GC: variants seen among roughly 807,000 people sequenced by gnomAD.
GC encodes vitamin D-binding protein.
Under a neutral mutation model 56.7 loss-of-function variants are expected in GC, and 43 were observed. The ratio of observed to expected loss-of-function variants is 0.76; its 90% CI spans 0.59 to 0.98. The LOEUF (loss-of-function observed/expected upper bound fraction) is 0.98, where lower values mean the gene tolerates loss of function less well. Ranked by LOEUF, GC falls within the 50% of genes least tolerant of loss-of-function variation. The pLI, the probability that GC is intolerant of heterozygous loss-of-function variation, is 0.00. For synonymous variants in GC, 216 were observed against 202.7 expected (o/e 1.07, Z -0.56); for missense variants, 529 against 545.9 (o/e 0.97, Z 0.31).
intron 1 of GC, among the ~76,000 whole-genome samples, chr4:71,772,885 G>A (rs1742385267): frequency 6.6e-6 from 1 of 152,062 alleles, no homozygotes; most frequent in African/African-American, 2.4e-5. Context: ...TTTGCCCAAA[G>A]AGAAGATATC....
intron 1 of GC, among the ~76,000 whole-genome samples, chr4:71,801,671 C>T (rs183936540): frequency 6.6e-6 from 1 of 152,282 alleles, no homozygotes; most frequent in East Asian, 1.9e-4. Flanking sequence ...AAATACTCTA[C>T]ATGCCCACAA....
intron 10 of GC, among the ~76,000 whole-genome samples, chr4:71,753,043 A>C (rs926274443): frequency 6.6e-6 from 1 of 151,982 alleles, no homozygotes; most frequent in Non-Finnish European, 1.5e-5. Context: ...TTTTCCTCTC[A>C]TAATTTATAT....
At chr4:71,790,458 G>A (rs843008) in intron 1 of GC, among the ~76,000 whole-genome samples, 10 of 151,716 alleles carry the variant, frequency 6.6e-5, no homozygotes, top group African/African-American at 1.9e-4. Flanking sequence ...TAATCTTGGA[G>A]TGTTTAGTTC....
Position 71,743,738 on chromosome 4 carries a change from T to C in GC, c.*26-1868A>G, listed in dbSNP as rs566257319. On this transcript the variant is annotated intron_variant, in intron 12 of 12. Transcript: ENST00000273951. ...GGTATAATTTGCTTTTTCAAAGCCA[T>C]GTAACTATTCCTGAAATAATTGAAC... Among the ~76,000 whole-genome samples, 10 of 152,346 alleles carry C rather than the reference T, an allele frequency of 6.6e-5. No individual in the cohort carries two copies. The East Asian group carries it at 1.7e-3, about 27-fold the overall frequency.
chr4:71,765,760 TTCA>T, intron 3 of GC, 117 bp from the exon 4 acceptor site: 1 of 663,034 alleles, frequency 1.5e-6, no homozygotes, highest in South Asian at 2.0e-5. Context: ...TAACTATGTA[TTCA>T]TGCCAAGGGC....
In GC at chr4:71,746,192, A is replaced by G; in HGVS notation, c.1409T>C (p.Leu470Ser). 1 of 1,346,738 alleles carries G rather than the reference A, an allele frequency of 7.4e-7. No homozygotes were observed. 83.4% of individuals were successfully genotyped at this position (1,346,738 alleles called of 1,614,324 possible). Residue 470 changes from leucine to serine, a missense_variant, in exon 12 of 13, where the codon TTG becomes TCG. Physicochemically the swap from Leu to Ser is moderately radical, Grantham distance 145. Transcript: ENST00000273951. ...GCTTCAGGACTACAGGATATTCTTCAATTCAGCATCAATCTGATAATGAAA... is the reference window on the plus strand; with the variant it reads ...GCTTCAGGACTACAGGATATTCTTCGATTCAGCATCAATCTGATAATGAAA... ...LYCDSEIDAE[L>S]KNIL is the part of the protein sequence containing the mutation.
intron 1 of GC, among the ~76,000 whole-genome samples, chr4:71,796,856 A>G (rs1457823438): frequency 1.3e-5 from 2 of 151,950 alleles, no homozygotes; most frequent in Non-Finnish European, 2.9e-5. Context: ...TTTGGTGTGG[A>G]TGTCCTTTTT....
chr4:71,745,648 T>A (rs892248410), intron 12 of GC, among the ~76,000 whole-genome samples: 1 of 149,696 alleles, frequency 6.7e-6, no homozygotes, highest in Non-Finnish European at 1.5e-5. Context: ...TACGTTGGAA[T>A]AAACTATTTT....
intron 6 of GC, among the ~76,000 whole-genome samples, chr4:71,760,799 C>T (rs1004153451): frequency 5.3e-5 from 8 of 152,266 alleles, no homozygotes; most frequent in South Asian, 2.1e-4. Flanking sequence ...TTTCTCTGCA[C>T]AAGCTCTCTC....
At chr4:71,787,848 A>T (rs1159608307), upstream of GC, among the ~76,000 whole-genome samples, 1 of 152,016 alleles carries the variant, frequency 6.6e-6, no homozygotes, top group East Asian at 1.9e-4. Flanking sequence ...TATTAATGCC[A>T]ATATCCAAAA....
intron 12 of GC, among the ~76,000 whole-genome samples, chr4:71,744,336 G>C (rs1010914872): frequency 2.0e-5 from 3 of 150,014 alleles, no homozygotes; most frequent in African/African-American, 7.4e-5. Flanking sequence ...GCGGGCGCCT[G>C]TAGCCCCAGC....
At chr4:71,789,893 A>G (rs1328255373) in intron 1 of GC, among the ~76,000 whole-genome samples, 1 of 152,048 alleles carries the variant, frequency 6.6e-6, no homozygotes, top group East Asian at 1.9e-4. Context: ...TGAAGATGGA[A>G]GGAATCTGTG....
At chr4:71,776,233 C>A (rs764369282) in intron 1 of GC, among the ~76,000 whole-genome samples, 1 of 151,648 alleles carries the variant, frequency 6.6e-6, no homozygotes, top group Non-Finnish European at 1.5e-5. Flanking sequence ...TCACAGCTAC[C>A]GAGATGCTGA....
chr4:71,772,897 A>G (rs544910446), intron 1 of GC, among the ~76,000 whole-genome samples: 2 of 152,264 alleles, frequency 1.3e-5, no homozygotes, highest in South Asian at 4.1e-4. Context: ...GAAGATATCT[A>G]GCTTACAAGA....
At chr4:71,753,193 G>T (rs1176834024) in intron 10 of GC, among the ~76,000 whole-genome samples, 3 of 152,058 alleles carry the variant, frequency 2.0e-5, no homozygotes, top group Admixed American at 6.6e-5. Context: ...GATAAGACTT[G>T]ATATCTCCTG....
Position 71,765,399 on chromosome 4 carries a change from T to C in GC, c.473+33A>G, listed in dbSNP as rs768260349. The C allele has an allele frequency of 4.0e-6, 6 of 1,489,580 alleles. 1 individual carries two copies. The South Asian group carries it at 4.5e-5, about 11-fold the overall frequency. 92.3% of individuals were successfully genotyped at this position (1,489,580 alleles called of 1,614,324 possible). A position where few individuals can be genotyped will look rare whatever the true frequency, so the allele number is the denominator to read the frequency against. On this transcript the variant is annotated intron_variant, in intron 4 of 12. Coordinates refer to ENST00000273951, the MANE Select transcript of GC (RefSeq NM_000583.4). ...TTAGAGTCATTTCTGATACTTTAGG[T>C]CCTAAAGTTCTATTTATGATGAAGG...
upstream of GC, chr4:71,786,103 T>C (rs951673185): frequency 6.6e-6 from 1 of 151,896 alleles, no homozygotes; most frequent in Non-Finnish European, 1.5e-5. Flanking sequence ...TGTTTAATGA[T>C]AAACTACATG....
upstream of GC, chr4:71,784,095 G>T: frequency 6.5e-7 from 1 of 1,534,024 alleles, no homozygotes; most frequent in Non-Finnish European, 8.7e-7. Flanking sequence ...AAAGTAATTG[G>T]TTTCCTTTTT....
intron 1 of GC, among the ~76,000 whole-genome samples, chr4:71,802,510 A>G (rs1009666407): frequency 1.3e-5 from 2 of 152,200 alleles, no homozygotes; most frequent in Non-Finnish European, 2.9e-5. Context: ...ATGCTGCTAG[A>G]CTTAAAATGG....
Sources: gnomAD v4.1 joint callset for allele counts (sites outside exome capture counted in the v4.1 genomes callset) on GRCh38, gnomAD v4.1.1 for gene constraint, MANE v1.5 for transcripts, NCBI Gene and HGNC (gene_info 2026-07-23, HGNC 2026-07-21) for gene names.